LDLRAD4: variants seen among roughly 807,000 people sequenced by gnomAD.
LDLRAD4 encodes the protein low density lipoprotein receptor class A domain containing 4.
In LDLRAD4, 5 loss-of-function variants were observed where a neutral mutation model predicts 17.0. The ratio of observed to expected loss-of-function variants is 0.29; its 90% CI spans 0.15 to 0.62. The LOEUF is 0.62. Ranked by LOEUF, LDLRAD4 falls within the 20% of genes least tolerant of loss-of-function variation. The pLI, the probability that LDLRAD4 is intolerant of heterozygous loss-of-function variation, is 0.84. For missense variants in LDLRAD4, 340 were observed against 424.7 expected (o/e 0.80, Z 1.75); for synonymous variants, 168 against 171.8 (o/e 0.98, Z 0.17).
intron 3 of LDLRAD4, among the ~76,000 whole-genome samples, chr18:13,571,676 G>C (rs919552841): frequency 6.6e-6 from 1 of 152,048 alleles, no homozygotes; most frequent in Non-Finnish European, 1.5e-5. Context: ...TCGCTCTGTT[G>C]CCCAGGCTGG....
At chr18:13,507,100 ACTT>A (rs1280480213) in intron 3 of LDLRAD4, among the ~76,000 whole-genome samples, 1 of 151,854 alleles carries the variant, frequency 6.6e-6, no homozygotes, top group Non-Finnish European at 1.5e-5. Flanking sequence ...GATATTTTCA[ACTT>A]CTTATTATAT....
At chr18:13,313,429 G>T (rs2080759343) in intron 1 of LDLRAD4, among the ~76,000 whole-genome samples, 1 of 152,160 alleles carries the variant, frequency 6.6e-6, no homozygotes, top group Non-Finnish European at 1.5e-5. Flanking sequence ...AGGGCTTCAA[G>T]AACCATTCAG....
At chr18:13,257,192 T>C (rs1017443976) in intron 1 of LDLRAD4, among the ~76,000 whole-genome samples, 7 of 152,228 alleles carry the variant, frequency 4.6e-5, no homozygotes, top group African/African-American at 1.7e-4. Context: ...CCTGAACCCA[T>C]GTGCCGTGGG....
chr18:13,390,537 T>G (rs1424142363), intron 2 of LDLRAD4, among the ~76,000 whole-genome samples: 1 of 152,158 alleles, frequency 6.6e-6, no homozygotes, highest in Non-Finnish European at 1.5e-5. Flanking sequence ...AAATCAGGAC[T>G]CTCATCCTCA....
intron 1 of LDLRAD4, among the ~76,000 whole-genome samples, chr18:13,343,992 A>C (rs1298581289): frequency 6.6e-6 from 1 of 152,242 alleles, no homozygotes; most frequent in Non-Finnish European, 1.5e-5. Context: ...GACCTTTGTC[A>C]GATGAGTAGA....
chr18:13,417,295 A>G (rs1465971582), intron 2 of LDLRAD4, among the ~76,000 whole-genome samples: 1 of 152,204 alleles, frequency 6.6e-6, no homozygotes, highest in Admixed American at 6.5e-5. Context: ...ATCTGCCATA[A>G]TTCATAAGGC....
intron 3 of LDLRAD4, chr18:13,614,405 C>T (rs1314898122): frequency 6.6e-6 from 1 of 152,130 alleles, no homozygotes; most frequent in Non-Finnish European, 1.5e-5. Flanking sequence ...CAGGTGACGC[C>T]AAAAACTGGG....
chr18:13,330,983 A>G (rs1439164999), intron 1 of LDLRAD4, among the ~76,000 whole-genome samples: 1 of 152,222 alleles, frequency 6.6e-6, no homozygotes, highest in Non-Finnish European at 1.5e-5. Context: ...TGGGGAGGGC[A>G]TGGAAGCTCC....
intron 2 of LDLRAD4, among the ~76,000 whole-genome samples, chr18:13,422,112 G>A (rs2089522236): frequency 1.3e-5 from 2 of 152,184 alleles, no homozygotes; most frequent in Admixed American, 1.3e-4. Flanking sequence ...AGCAATTTTT[G>A]GCCAATATGT....
chr18:13,343,127 C>T (rs1046381518), intron 1 of LDLRAD4, among the ~76,000 whole-genome samples: 2 of 152,048 alleles, frequency 1.3e-5, no homozygotes, highest in Non-Finnish European at 2.9e-5. Flanking sequence ...TACATGTGCA[C>T]AACGTGCAGG....
intron 1 of LDLRAD4, among the ~76,000 whole-genome samples, chr18:13,233,434 G>A (rs372944925): frequency 7.2e-5 from 11 of 152,156 alleles, no homozygotes; most frequent in Non-Finnish European, 1.3e-4. Flanking sequence ...CAAGGAAGCC[G>A]GCACCCTCTT....
In LDLRAD4 at chr18:13,513,188, C is replaced by CGGG. The variant is rs2093809926; in HGVS notation, c.181+74806_181+74808dup. Among the ~76,000 whole-genome samples the CGGG allele has an allele frequency of 2.6e-5, 4 of 152,318 alleles. No homozygotes were observed. The South Asian group carries it at 8.3e-4, about 32-fold the overall frequency. ...GCTTTGTTCTGGGTGGCACTTGCCC[C>CGGG]GGGGTCACAGAGCTGCCCTGACAGG... On this transcript the variant is annotated intron_variant, in intron 3 of 5. Transcript: ENST00000359446.
intron 1 of LDLRAD4, among the ~76,000 whole-genome samples, chr18:13,376,044 C>T (rs923418786): frequency 1.3e-5 from 2 of 152,214 alleles, no homozygotes; most frequent in East Asian, 3.9e-4. Context: ...ATCAAGTCCT[C>T]GTTCTTGCCG....
chr18:13,239,896 A>G (rs183378512), intron 1 of LDLRAD4: 2 of 152,386 alleles, frequency 1.3e-5, no homozygotes, highest in East Asian at 1.9e-4. Context: ...GCTGCAGCCA[A>G]CCTTTACCCA....
exon 6 of LDLRAD4, chr18:13,650,216 T>A (rs2043186837): frequency 2.5e-6 from 1 of 403,392 alleles, no homozygotes; most frequent in Non-Finnish European, 4.4e-6. Flanking sequence ...AGAGTTCAAG[T>A]TTATGTTACT....
chr18:13,352,457 A>G (rs2083099653), intron 1 of LDLRAD4, among the ~76,000 whole-genome samples: 1 of 152,200 alleles, frequency 6.6e-6, no homozygotes, highest in Non-Finnish European at 1.5e-5. Flanking sequence ...TTTCTGCTGA[A>G]CAATGTGCTG....
upstream of LDLRAD4, among the ~76,000 whole-genome samples, chr18:13,277,008 T>C (rs1251343643): frequency 3.3e-5 from 5 of 152,108 alleles, no homozygotes; most frequent in African/African-American, 1.2e-4. Context: ...CAGTGGGTTG[T>C]TTTCATCTCT....
At chr18:13,258,750 G>T (rs1485867169) in intron 1 of LDLRAD4, among the ~76,000 whole-genome samples, 1 of 152,082 alleles carries the variant, frequency 6.6e-6, no homozygotes, top group Admixed American at 6.5e-5. Context: ...TTTCTTCCTG[G>T]CTTAGTATGA....
chr18:13,523,829 T>C (rs567539855), intron 3 of LDLRAD4, among the ~76,000 whole-genome samples: 1 of 152,314 alleles, frequency 6.6e-6, no homozygotes, highest in East Asian at 1.9e-4. Flanking sequence ...TGTGGCTGAC[T>C]CTAAGGTTAA....
Sources: allele counts gnomAD v4.1 joint callset (sites outside exome capture counted in the v4.1 genomes callset), GRCh38; gene constraint gnomAD v4.1.1; transcripts MANE v1.5; gene names NCBI Gene and HGNC (gene_info 2026-07-23, HGNC 2026-07-21).